The following SAMMSON variants were observed in gnomAD, a reference collection of about 807,000 sequenced individuals.
The protein encoded by SAMMSON is long intergenic non-protein coding RNA 1212.
At chr3:70,285,053 T>A (rs1002339502) in intron 6 of SAMMSON, among the ~76,000 whole-genome samples, 2 of 149,082 alleles carry the variant, frequency 1.3e-5, no homozygotes, top group Admixed American at 1.3e-4. Flanking sequence ...TTTTTTTAAC[T>A]TTTTTTTTCT....
At chr3:70,039,138 CTT>C (rs1360834443) in intron 3 of SAMMSON, among the ~76,000 whole-genome samples, 9 of 152,116 alleles carry the variant, frequency 5.9e-5, no homozygotes, top group Admixed American at 1.3e-4. Context: ...TGGGAGAAAT[CTT>C]GAGACTAAAC....
intron 4 of SAMMSON, among the ~76,000 whole-genome samples, chr3:70,097,187 T>C (rs988245434): frequency 6.6e-6 from 1 of 152,184 alleles, no homozygotes; most frequent in Admixed American, 6.5e-5. Flanking sequence ...GTGGGATGAA[T>C]GAATGAATTT....
At chr3:70,163,193 C>T (rs6419769) in intron 4 of SAMMSON, among the ~76,000 whole-genome samples, 151,558 of 151,558 alleles carry the variant, frequency 1, 75,779 homozygotes, top group Non-Finnish European at 1. Context: ...ATTTGTTTTC[C>T]ATATATCTTA....
chr3:70,089,350 C>T (rs2067297507), intron 4 of SAMMSON, among the ~76,000 whole-genome samples: 1 of 152,098 alleles, frequency 6.6e-6, no homozygotes, highest in Non-Finnish European at 1.5e-5. Context: ...GCAATCTTCA[C>T]AGTAGTTTTA....
rs79180085 is a variant in SAMMSON, at chr3:70,213,795, G to A, written n.508-35312G>A. On this transcript the variant is annotated intron_variant and non_coding_transcript_variant, in intron 4 of 9. Coordinates refer to ENST00000642114, the Ensembl canonical transcript of SAMMSON. ...AGGAAATCATTCAACATGATCAAAC[G>A]TGGTGAAAATTATCAGCCAGGGTCA... 2.6e-3 allele frequency among the ~76,000 whole-genome samples: 395 copies of A among 152,152 alleles called. 2 individuals are homozygous for A. Among genetic ancestry groups the A allele is most frequent in the African/African-American group, 8.3e-3 (346 of 41,536 alleles).
chr3:70,368,577 T>C lies in SAMMSON; in HGVS notation n.913+10253T>C, dbSNP rs536300787. Among the ~76,000 whole-genome samples the C allele has an allele frequency of 2.6e-5, 4 of 151,792 alleles. No homozygotes were observed. In the East Asian group the frequency reaches 7.7e-4, roughly 29 times the overall value. ...TAAAGGTAAAATCTGTATCTAACTT[T>C]TTTTTGCGTATGGGCATCCATTTTC... On this transcript the variant is annotated intron_variant and non_coding_transcript_variant, in intron 9 of 9. Transcript: ENST00000642114.
intron 4 of SAMMSON, among the ~76,000 whole-genome samples, chr3:70,179,405 T>G (rs1701033757): frequency 6.6e-6 from 1 of 152,202 alleles, no homozygotes; most frequent in Non-Finnish European, 1.5e-5. Context: ...GGGACTGCAG[T>G]ACCTAAGACA....
chr3:70,289,100 T>C (rs1702199224), intron 6 of SAMMSON, among the ~76,000 whole-genome samples: 1 of 152,082 alleles, frequency 6.6e-6, no homozygotes. Context: ...GATCCTGTCA[T>C]TTTGATGTTA....
At chr3:70,269,578 T>G (rs1701955527) in intron 6 of SAMMSON, among the ~76,000 whole-genome samples, 1 of 152,218 alleles carries the variant, frequency 6.6e-6, no homozygotes, top group African/African-American at 2.4e-5. Flanking sequence ...TCTGAACCAA[T>G]TTTGGTTCAG....
intron 4 of SAMMSON, chr3:70,127,103 G>A (rs1419721751): frequency 6.6e-6 from 1 of 152,184 alleles, no homozygotes; most frequent in East Asian, 1.9e-4. Flanking sequence ...GTGAACGAAT[G>A]TTTTAAATTA....
chr3:70,159,218 A>G (rs2067604264), intron 4 of SAMMSON, among the ~76,000 whole-genome samples: 1 of 151,892 alleles, frequency 6.6e-6, no homozygotes, highest in Non-Finnish European at 1.5e-5. Flanking sequence ...GTACATGTGC[A>G]CAATGTGCAG....
chr3:70,158,779 A>G (rs1055238228), intron 4 of SAMMSON, among the ~76,000 whole-genome samples: 2 of 152,048 alleles, frequency 1.3e-5, no homozygotes, highest in Admixed American at 1.3e-4. Flanking sequence ...ACCTCTTGCA[A>G]ATTTTACTGA....
At chr3:70,125,069 C>T in intron 4 of SAMMSON, 1 of 853,908 alleles carries the variant, frequency 1.2e-6, no homozygotes, top group Non-Finnish European at 1.9e-6. Flanking sequence ...TAATTTTTAA[C>T]ACTTTCTTTT....
intron 6 of SAMMSON, chr3:70,283,627 A>G (rs1702111085): frequency 6.6e-6 from 1 of 152,050 alleles, no homozygotes; most frequent in Non-Finnish European, 1.5e-5. Flanking sequence ...GGGCAGATTA[A>G]AGGGATTCAT....
chr3:70,101,795 C>A (rs2067347644), intron 4 of SAMMSON, among the ~76,000 whole-genome samples: 2 of 152,084 alleles, frequency 1.3e-5, no homozygotes, highest in Non-Finnish European at 2.9e-5. Flanking sequence ...GGTTAAGTGG[C>A]TTAAATAAAG....
intron 7 of SAMMSON, among the ~76,000 whole-genome samples, chr3:70,336,464 A>G (rs1366940028): frequency 6.6e-6 from 1 of 152,032 alleles, no homozygotes; most frequent in East Asian, 1.9e-4. Flanking sequence ...CGTGTAACAC[A>G]GAGTTCCCCT....
chr3:70,187,060 C>CT (rs770753556), intron 4 of SAMMSON, among the ~76,000 whole-genome samples: 3 of 152,164 alleles, frequency 2.0e-5, no homozygotes, highest in Admixed American at 6.5e-5. Flanking sequence ...CTCTAGCTAC[C>CT]ATGTTTCCTT....
At chr3:70,187,682 C>A (rs1021182362) in intron 4 of SAMMSON, among the ~76,000 whole-genome samples, 8 of 151,676 alleles carry the variant, frequency 5.3e-5, no homozygotes, top group Non-Finnish European at 8.8e-5. Flanking sequence ...GTGATCCGCC[C>A]GTCTCGGCCT....
At chr3:70,301,321 C>T (rs967332202) in intron 7 of SAMMSON, among the ~76,000 whole-genome samples, 6 of 152,048 alleles carry the variant, frequency 3.9e-5, no homozygotes, top group Non-Finnish European at 7.4e-5. Flanking sequence ...CATATGGTTT[C>T]GTGTATGAGA....
Sources: gnomAD v4.1 joint callset for allele counts (sites outside exome capture counted in the v4.1 genomes callset) on GRCh38, gnomAD v4.1.1 for gene constraint, MANE v1.5 for transcripts, NCBI Gene and HGNC (gene_info 2026-07-23, HGNC 2026-07-21) for gene names.